The following RHBDL2 variants were observed in gnomAD, a reference collection of about 807,000 sequenced individuals.
RHBDL2 encodes rhomboid-related protein 2.
In RHBDL2, 26 loss-of-function variants were observed where a neutral mutation model predicts 31.7. The ratio of observed to expected loss-of-function variants is 0.82; its 90% CI spans 0.60 to 1.14. The LOEUF is 1.14. Among genes scored for constraint, RHBDL2 ranks in the 50% most tolerant of loss-of-function variants. The probability of loss-of-function intolerance (pLI) is 0.00; values close to 1 mark genes in which losing one functional copy is unlikely to be tolerated. For synonymous variants in RHBDL2, 123 were observed against 127.2 expected (o/e 0.97, Z 0.22); for missense variants, 336 against 364.4 (o/e 0.92, Z 0.63).
intron 3 of RHBDL2, among the ~76,000 whole-genome samples, 199 bp from the exon 4 acceptor site, chr1:38,911,633 TGTGTGTGTGTGTGC>T (rs755781231): frequency 0.018 from 1,834 of 102,062 alleles, 17 homozygotes; most frequent in Non-Finnish European, 0.023. Flanking sequence ...TGTGTGTGTG[TGTGTGTGTGTGTGC>T]GCGCGCGCGC....
intron 1 of RHBDL2, among the ~76,000 whole-genome samples, chr1:38,928,250 T>C (rs1374718772): frequency 1.3e-5 from 2 of 151,400 alleles, no homozygotes; most frequent in Non-Finnish European, 1.5e-5. Flanking sequence ...CAAGCGATTC[T>C]CCTGCCTCAG....
chr1:38,897,694 G>A (rs546284176), intron 4 of RHBDL2, among the ~76,000 whole-genome samples: 97 of 152,188 alleles, frequency 6.4e-4, no homozygotes, highest in African/African-American at 2.3e-3. Context: ...CAGTCTGGGT[G>A]ACAGAGGAAG....
chr1:38,912,416 T>C (rs1476212754), intron 3 of RHBDL2, among the ~76,000 whole-genome samples: 2 of 151,832 alleles, frequency 1.3e-5, no homozygotes. Flanking sequence ...GTTTTTTTTT[T>C]TTCTTGAGAC....
intron 6 of RHBDL2, among the ~76,000 whole-genome samples, chr1:38,889,992 A>G (rs1642833978): frequency 2.0e-5 from 3 of 152,072 alleles, no homozygotes. Context: ...TTAGTTGTAA[A>G]TGACTATTAC....
intron 7 of RHBDL2, among the ~76,000 whole-genome samples, chr1:38,886,893 C>T (rs1642791636): frequency 6.6e-6 from 1 of 152,194 alleles, no homozygotes; most frequent in South Asian, 2.1e-4. Context: ...TTAAAAATGT[C>T]ATTTTCACCC....
At chr1:38,916,574 G>C (rs1183438375) in intron 2 of RHBDL2, among the ~76,000 whole-genome samples, 3 of 152,182 alleles carry the variant, frequency 2.0e-5, no homozygotes, top group African/African-American at 7.2e-5. Flanking sequence ...GCCAGACGCA[G>C]TGGCTCATGC....
chr1:38,915,101 A>G (rs1407969325), intron 3 of RHBDL2, among the ~76,000 whole-genome samples: 1 of 151,894 alleles, frequency 6.6e-6, no homozygotes, highest in Non-Finnish European at 1.5e-5. Flanking sequence ...TAGCTCTGCA[A>G]CTTAGCTGTG....
chr1:38,912,910 A>ATATATATATATATGTGTGTGTG (rs1399583863), intron 3 of RHBDL2, among the ~76,000 whole-genome samples: 12 of 41,364 alleles, frequency 2.9e-4, no homozygotes, highest in African/African-American at 1.1e-3. Flanking sequence ...ATATATATAT[A>ATATATATATATATGTGTGTGTG]TGTGTGTGTG....
At chr1:38,890,274 C>T (rs1321017878) in intron 6 of RHBDL2, among the ~76,000 whole-genome samples, 2 of 152,166 alleles carry the variant, frequency 1.3e-5, no homozygotes, top group African/African-American at 4.8e-5. Flanking sequence ...CCCGCCTCGG[C>T]TTCCTAAAGT....
chr1:38,888,280 T>C (rs559164751), intron 6 of RHBDL2, among the ~76,000 whole-genome samples: 50 of 151,834 alleles, frequency 3.3e-4, no homozygotes, highest in Admixed American at 5.3e-4. Flanking sequence ...GGCATTATTC[T>C]AGCTGGTAGA....
chr1:38,900,545 T>C (rs1202541523), intron 4 of RHBDL2, among the ~76,000 whole-genome samples: 4 of 151,924 alleles, frequency 2.6e-5, no homozygotes, highest in African/African-American at 9.7e-5. Context: ...CGCTTGAGCC[T>C]GAGAGGCAGA....
chr1:38,903,860 T>C (rs72658095), intron 4 of RHBDL2, among the ~76,000 whole-genome samples: 1 of 152,310 alleles, frequency 6.6e-6, no homozygotes, highest in Non-Finnish European at 1.5e-5. Flanking sequence ...GGTGTAAAGA[T>C]ATACAAATAC....
At chr1:38,934,674 A>AG (rs55980400) in intron 1 of RHBDL2, among the ~76,000 whole-genome samples, 1 of 149,110 alleles carries the variant, frequency 6.7e-6, no homozygotes, top group Non-Finnish European at 1.5e-5. Context: ...AAAAAAAAAA[A>AG]TGGCTGGGCG....
At chr1:38,889,964 G>T (rs1017112534) in intron 6 of RHBDL2, among the ~76,000 whole-genome samples, 8 of 151,948 alleles carry the variant, frequency 5.3e-5, no homozygotes, top group Non-Finnish European at 1.0e-4. Context: ...TGAGGTCGAG[G>T]AAATATTCAA....
rs917520624 is a variant in RHBDL2 at position 38,911,548 on chromosome 1, A to G, written c.396-114T>C. ...CTAGTTAAGGATTTGCTTAACTAGA[A>G]TTCCATTTTCTAATTTTTCTTCGCA... On this transcript the variant is annotated intron_variant, in intron 3 of 7. Transcript: ENST00000372990. 4.3e-6 allele frequency: 3 copies of G among 693,064 alleles called. No homozygotes were observed. In the African/African-American group the frequency reaches 5.4e-5, roughly 13 times the overall value. 42.9% of individuals were successfully genotyped at this position (693,064 alleles called of 1,614,324 possible).
intron 4 of RHBDL2, among the ~76,000 whole-genome samples, chr1:38,905,625 T>G (rs1439102648): frequency 6.7e-6 from 1 of 150,158 alleles, no homozygotes; most frequent in Non-Finnish European, 1.5e-5. Context: ...TGGTACTGCA[T>G]GCCTGTAATC....
intron 3 of RHBDL2, among the ~76,000 whole-genome samples, 198 bp from the exon 4 acceptor site, chr1:38,911,632 GT>G (rs1643143225): frequency 7.8e-6 from 1 of 128,136 alleles, no homozygotes; most frequent in Non-Finnish European, 1.7e-5. Context: ...GTGTGTGTGT[GT>G]GTGTGTGTGT....
chr1:38,923,774 C>T (rs889973042), intron 1 of RHBDL2, among the ~76,000 whole-genome samples: 4 of 152,192 alleles, frequency 2.6e-5, no homozygotes, highest in Admixed American at 2.6e-4. Flanking sequence ...TGGAGATTTA[C>T]TGCACTGACT....
intron 6 of RHBDL2, among the ~76,000 whole-genome samples, chr1:38,891,592 A>G (rs534067295): frequency 6.6e-6 from 1 of 152,340 alleles, no homozygotes; most frequent in Admixed American, 6.5e-5. Flanking sequence ...TGCCTCCCAG[A>G]TACTCACTCT....
Sources: allele counts gnomAD v4.1 joint callset (sites outside exome capture counted in the v4.1 genomes callset), GRCh38; gene constraint gnomAD v4.1.1; transcripts MANE v1.5; gene names NCBI Gene and HGNC (gene_info 2026-07-23, HGNC 2026-07-21).